The following MRPS28 variants were observed in gnomAD, a reference collection of about 807,000 sequenced individuals.
MRPS28 encodes the protein small ribosomal subunit protein bS1m.
In MRPS28, 7 loss-of-function variants were observed where a neutral mutation model predicts 10.8. That is an observed-to-expected ratio of 0.65 (90% confidence interval 0.37 to 1.22). The LOEUF is 1.22. Ranked by LOEUF, MRPS28 falls within the 50% of genes most tolerant of loss-of-function variation. The probability of loss-of-function intolerance (pLI) is 0.02; values close to 1 mark genes in which losing one functional copy is unlikely to be tolerated. For synonymous variants in MRPS28, 121 were observed against 93.3 expected, an observed-to-expected ratio of 1.30 and a Z score of -1.71; for missense variants, 265 against 232.9, an observed-to-expected ratio of 1.14 and a Z score of -0.90.
chr8:80,028,671 G>A (rs1253118035), intron 1 of MRPS28: 1 of 142,240 alleles, frequency 7.0e-6, no homozygotes, highest in Middle Eastern at 3.5e-3. Context: ...GGCCGGGCGG[G>A]GTCAGCCAGG....
intron 1 of MRPS28, among the ~76,000 whole-genome samples, chr8:80,020,571 T>C (rs1170697194): frequency 6.6e-6 from 1 of 152,214 alleles, no homozygotes; most frequent in Non-Finnish European, 1.5e-5. Context: ...CTTTTTAAAG[T>C]ATTTCTGATA....
intron 2 of MRPS28, among the ~76,000 whole-genome samples, chr8:79,971,291 C>T (rs148695714): frequency 3.5e-4 from 54 of 152,282 alleles, no homozygotes; most frequent in Non-Finnish European, 7.4e-4. Context: ...AGAACTGAGT[C>T]TCTTGACTCC....
intron 2 of MRPS28, among the ~76,000 whole-genome samples, chr8:79,930,695 G>A (rs1406661937): frequency 2.0e-5 from 3 of 152,178 alleles, no homozygotes; most frequent in African/African-American, 7.2e-5. Context: ...AAACAGGAGT[G>A]TGACTACACA....
intron 2 of MRPS28, among the ~76,000 whole-genome samples, chr8:79,984,920 C>A (rs899865793): frequency 6.6e-6 from 1 of 152,110 alleles, no homozygotes; most frequent in Non-Finnish European, 1.5e-5. Flanking sequence ...TTGCACCACG[C>A]GGACCTAATA....
chr8:80,002,896 T>C (rs1323024273), intron 2 of MRPS28, 103 bp downstream of exon 2: 13 of 979,856 alleles, frequency 1.3e-5, no homozygotes, highest in East Asian at 2.6e-5. Flanking sequence ...CAAATAAATA[T>C]GTTTTCTGTC....
At chr8:79,999,434 G>A (rs1163055884) in intron 2 of MRPS28, among the ~76,000 whole-genome samples, 1 of 152,154 alleles carries the variant, frequency 6.6e-6, no homozygotes, top group Non-Finnish European at 1.5e-5. Context: ...TAGTAATTAT[G>A]CTGACCTGAC....
chr8:79,953,446 G>C (rs1807128454), intron 2 of MRPS28, among the ~76,000 whole-genome samples: 1 of 152,144 alleles, frequency 6.6e-6, no homozygotes, highest in Non-Finnish European at 1.5e-5. Context: ...GAAAAAGGTA[G>C]CACTGCAAAA....
chr8:79,981,547 A>C (rs559729266), intron 2 of MRPS28, among the ~76,000 whole-genome samples: 2 of 152,356 alleles, frequency 1.3e-5, no homozygotes, highest in Admixed American at 1.3e-4. Flanking sequence ...CATTCTAGTA[A>C]ATAAAAAAAG....
At position 80,001,294 on chromosome 8, in the gene MRPS28, T is replaced by G. The variant is rs183266239; in HGVS notation, c.395+1705A>C. On this transcript the variant is annotated intron_variant, in intron 2 of 2. Transcript: ENST00000276585. ...CACTTTATTTTATAATTACTATATA[T>G]TTTCTACTAATGAAAAAATGATCTG... Among the ~76,000 whole-genome samples, 252 of 152,326 alleles carry G rather than the reference T, an allele frequency of 1.7e-3. 1 individual carries two copies. Among genetic ancestry groups the G allele is most frequent in the Non-Finnish European group, 2.9e-3 (199 of 68,030 alleles).
At chr8:79,983,761 A>C (rs1046300180) in intron 2 of MRPS28, among the ~76,000 whole-genome samples, 1 of 152,214 alleles carries the variant, frequency 6.6e-6, no homozygotes, top group African/African-American at 2.4e-5. Flanking sequence ...CCTCCAAGAA[A>C]TATGGGACTA....
chr8:80,017,104 T>A (rs76836470), intron 1 of MRPS28, among the ~76,000 whole-genome samples: 3,451 of 152,268 alleles, frequency 0.023, 148 homozygotes, highest in African/African-American at 0.078. Context: ...AATGTCTGCT[T>A]TCAGACCACA....
At chr8:79,977,993 A>T (rs1291664155) in intron 2 of MRPS28, among the ~76,000 whole-genome samples, 2 of 152,078 alleles carry the variant, frequency 1.3e-5, no homozygotes, top group Non-Finnish European at 2.9e-5. Flanking sequence ...TTGGTTAATT[A>T]TCCAATTTAA....
At chr8:79,988,385 C>G (rs1048014364) in intron 2 of MRPS28, among the ~76,000 whole-genome samples, 2 of 150,856 alleles carry the variant, frequency 1.3e-5, no homozygotes, top group Non-Finnish European at 2.9e-5. Flanking sequence ...AACTAACCTG[C>G]ACATTGTGCA....
Position 79,918,806 on chromosome 8 carries a change from A to T in MRPS28, c.*174T>A. On this transcript the variant is annotated 3_prime_UTR_variant, in exon 3 of 3. Transcript: ENST00000276585. ...CAAAGGAAAAAAACATTAAGAGCAA[A>T]ACAAGGGGTGGGGGGTGGGAATATT... is the stretch of plus-strand genomic sequence containing the variant. 1 of 301,290 alleles carries T rather than the reference A, an allele frequency of 3.3e-6. No individual in the cohort carries two copies. The highest frequency in any genetic ancestry group is 6.2e-5 in the East Asian group (1 of 16,176). 18.7% of individuals were successfully genotyped at this position (301,290 alleles called of 1,614,324 possible).
At chr8:79,969,029 C>T (rs1807567271) in intron 2 of MRPS28, among the ~76,000 whole-genome samples, 1 of 152,062 alleles carries the variant, frequency 6.6e-6, no homozygotes, top group Admixed American at 6.6e-5. Flanking sequence ...AGTTAATGTA[C>T]AAAAAACAGT....
intron 2 of MRPS28, among the ~76,000 whole-genome samples, chr8:79,989,590 T>C (rs1808298469): frequency 6.6e-6 from 1 of 152,208 alleles, no homozygotes; most frequent in Admixed American, 6.5e-5. Context: ...TTTAGAAATT[T>C]AGCTTTTTTT....
rs55883340 is a variant in MRPS28, at chr8:80,018,295, CA to C, written c.213+11740del. Among the ~76,000 whole-genome samples the C allele has an allele frequency of 1.1e-3, 58 of 53,060 alleles. 1 individual carries two copies. The East Asian group carries it at 0.011, about 10-fold the overall frequency. 34.8% of individuals were successfully genotyped at this position (53,060 alleles called of 152,430 possible). On this transcript the variant is annotated intron_variant, in intron 1 of 2. Transcript: ENST00000276585. The stretch of plus-strand genomic sequence containing the variant: ...TGGGAGACAGAGCAATACTCTGTCT[CA>C]AAAAAAAAAAAAAAAAAAAAAGGCA...
At chr8:80,019,899 C>G (rs1248251758) in intron 1 of MRPS28, among the ~76,000 whole-genome samples, 1 of 152,068 alleles carries the variant, frequency 6.6e-6, no homozygotes, top group African/African-American at 2.4e-5. Flanking sequence ...TTTATTTTGC[C>G]AAGGTTAAGG....
intron 1 of MRPS28, among the ~76,000 whole-genome samples, chr8:80,017,008 C>T (rs886893205): frequency 6.6e-6 from 1 of 152,126 alleles, no homozygotes; most frequent in Non-Finnish European, 1.5e-5. Flanking sequence ...ATATTCTTCT[C>T]ATGCCACATG....
Sources: allele counts gnomAD v4.1 joint callset (sites outside exome capture counted in the v4.1 genomes callset), GRCh38; gene constraint gnomAD v4.1.1; transcripts MANE v1.5; gene names NCBI Gene and HGNC (gene_info 2026-07-23, HGNC 2026-07-21).